Variants in CACHD1 observed in about 807,000 individuals in gnomAD.
The protein encoded by CACHD1 is cache domain containing 1.
In CACHD1, 71 loss-of-function variants were observed where a neutral mutation model predicts 138.7. The ratio of observed to expected loss-of-function variants is 0.51; its 90% CI spans 0.42 to 0.62. The LOEUF is 0.62. CACHD1 is among the 20% of genes least tolerant of loss of function. The probability of loss-of-function intolerance (pLI) is 0.00; values close to 1 mark genes in which losing one functional copy is unlikely to be tolerated. For synonymous variants in CACHD1, 578 were observed against 591.5 expected, an observed-to-expected ratio of 0.98 and a Z score of 0.33; for missense variants, 1,389 against 1,625.3, an observed-to-expected ratio of 0.85 and a Z score of 2.50.
At chr1:64,680,762 T>C (rs1369021714) in intron 24 of CACHD1, among the ~76,000 whole-genome samples, 1 of 152,178 alleles carries the variant, frequency 6.6e-6, no homozygotes, top group East Asian at 1.9e-4. Context: ...AGCATTTCAC[T>C]ATGGCCACAA....
At chr1:64,655,205 T>C (rs1452203466) in intron 12 of CACHD1, among the ~76,000 whole-genome samples, 2 of 152,172 alleles carry the variant, frequency 1.3e-5, no homozygotes, top group Non-Finnish European at 2.9e-5. Flanking sequence ...AGGTTGAAGC[T>C]GCAGTGAGCC....
At position 64,641,985 on chromosome 1, in the gene CACHD1, A is replaced by G. The variant is rs1474089702; in HGVS notation, c.1156+16A>G. 1.3e-6 allele frequency: 2 copies of G among 1,536,608 alleles called. No homozygotes were observed. Among genetic ancestry groups the G allele is most frequent in the Admixed American group, 2.3e-5 (1 of 43,584 alleles). On this transcript the variant is annotated intron_variant, in intron 8 of 26. Transcript: ENST00000651257. ...CTCATGAACGGTAGGTAGAGTTTCAAGATATTCCTTTCAGATCAAAGATCC... is the reference window on the plus strand; with the variant it reads ...CTCATGAACGGTAGGTAGAGTTTCAGGATATTCCTTTCAGATCAAAGATCC...
chr1:64,520,126 T>C (rs1473277816), intron 1 of CACHD1, among the ~76,000 whole-genome samples: 1 of 152,226 alleles, frequency 6.6e-6, no homozygotes, highest in African/African-American at 2.4e-5. Flanking sequence ...TTCTGTTATC[T>C]TTAATAGTCA....
At chr1:64,567,392 G>A (rs983521224) in intron 2 of CACHD1, among the ~76,000 whole-genome samples, 5 of 151,892 alleles carry the variant, frequency 3.3e-5, no homozygotes, top group Admixed American at 6.6e-5. Flanking sequence ...AATGCCAGAC[G>A]GTTGCAAGAA....
intron 12 of CACHD1, among the ~76,000 whole-genome samples, chr1:64,656,039 G>C (rs958308957): frequency 6.6e-6 from 1 of 152,184 alleles, no homozygotes; most frequent in African/African-American, 2.4e-5. Flanking sequence ...ACAGCAACTC[G>C]ATACAGTGTC....
At chr1:64,545,219 A>T (rs1646709684) in intron 1 of CACHD1, among the ~76,000 whole-genome samples, 1 of 152,238 alleles carries the variant, frequency 6.6e-6, no homozygotes, top group South Asian at 2.1e-4. Flanking sequence ...GTATGTTTAA[A>T]GTAAATTTAT....
At chr1:64,570,926 TA>T (rs891724500) in intron 2 of CACHD1, among the ~76,000 whole-genome samples, 11 of 151,278 alleles carry the variant, frequency 7.3e-5, no homozygotes, top group African/African-American at 1.9e-4. Flanking sequence ...CCAATGATAT[TA>T]AAAAAAAACT....
chr1:64,634,004 T>A, intron 6 of CACHD1, 40 bp from the exon 7 acceptor site: 1 of 1,498,140 alleles, frequency 6.7e-7, no homozygotes, highest in Non-Finnish European at 9.2e-7. Flanking sequence ...GACGGTAGGA[T>A]AACAAGTTTG....
At chr1:64,615,776 G>A (rs533374337) in intron 4 of CACHD1, among the ~76,000 whole-genome samples, 1 of 152,306 alleles carries the variant, frequency 6.6e-6, no homozygotes, top group South Asian at 2.1e-4. Context: ...GATGTGGAGT[G>A]ACACAGACTA....
At chr1:64,569,506 A>G (rs990352739) in intron 2 of CACHD1, among the ~76,000 whole-genome samples, 2 of 152,046 alleles carry the variant, frequency 1.3e-5, no homozygotes, top group Non-Finnish European at 2.9e-5. Context: ...AAATGAAGGG[A>G]CTGGTACTGC....
intron 1 of CACHD1, among the ~76,000 whole-genome samples, chr1:64,491,530 G>T (rs1205145544): frequency 6.6e-6 from 1 of 152,054 alleles, no homozygotes; most frequent in Non-Finnish European, 1.5e-5. Flanking sequence ...GAGAACTCAA[G>T]AACTCACTAT....
At chr1:64,598,199 T>C (rs534468582) in intron 3 of CACHD1, among the ~76,000 whole-genome samples, 1 of 152,292 alleles carries the variant, frequency 6.6e-6, no homozygotes, top group South Asian at 2.1e-4. Context: ...TTACTCCTGC[T>C]AGCCTAGCCA....
intron 1 of CACHD1, among the ~76,000 whole-genome samples, chr1:64,543,250 T>C (rs1646691026): frequency 6.6e-6 from 1 of 151,520 alleles, no homozygotes; most frequent in Admixed American, 6.6e-5. Flanking sequence ...AATGAACAAA[T>C]TCTGAGATTA....
intron 1 of CACHD1, among the ~76,000 whole-genome samples, chr1:64,513,679 T>C (rs1240163489): frequency 2.0e-5 from 3 of 152,214 alleles, no homozygotes; most frequent in South Asian, 2.1e-4. Flanking sequence ...AGTTTTTTAA[T>C]GGGCTGGCAG....
Position 64,681,310 on chromosome 1 carries a change from C to T in CACHD1, c.3459C>T (p.Asp1153=), listed in dbSNP as rs751919887. The change falls in exon 25 of 27, where the codon GAC becomes GAT. Residue 1153 remains aspartate, a synonymous_variant. Coordinates refer to ENST00000651257, the MANE Select transcript of CACHD1 (RefSeq NM_020925.4). ...AGAATGACAGAGATGAAAGGGACGA[C>T]GACAGCCACGAAGACAGAGGCATCA... ...NLENDRDERD[D]DSHEDRGIIS... 2.0e-5 allele frequency: 32 copies of T among 1,613,810 alleles called. No homozygotes were observed. Among genetic ancestry groups the T allele is most frequent in the Non-Finnish European group, 2.6e-5 (31 of 1,179,740 alleles).
At chr1:64,627,820 A>T (rs1648163531) in intron 4 of CACHD1, among the ~76,000 whole-genome samples, 1 of 151,984 alleles carries the variant, frequency 6.6e-6, no homozygotes, top group Non-Finnish European at 1.5e-5. Context: ...AACTATTTAC[A>T]CTCACTGTGC....
rs918070495 is a variant in CACHD1, at chr1:64,662,412, A to T, written c.1952-1283A>T. 6.6e-5 allele frequency among the ~76,000 whole-genome samples: 10 copies of T among 152,330 alleles called. No individual in the cohort carries two copies. The East Asian group carries it at 1.7e-3, about 26-fold the overall frequency. ...CTGTTTCCAACACCCCACCTGCTAC[A>T]TCTTGCAGTGTGGCACCGGACAGGA... On this transcript the variant is annotated intron_variant, in intron 13 of 26. Transcript: ENST00000651257.
chr1:64,497,972 C>CA (rs750944044), intron 1 of CACHD1, among the ~76,000 whole-genome samples: 37 of 152,138 alleles, frequency 2.4e-4, no homozygotes, highest in Non-Finnish European at 4.4e-4. Flanking sequence ...CTGAAAATAC[C>CA]AAAAATTAGC....
At chr1:64,558,992 A>G (rs1386780860) in intron 2 of CACHD1, among the ~76,000 whole-genome samples, 1 of 152,228 alleles carries the variant, frequency 6.6e-6, no homozygotes, top group Non-Finnish European at 1.5e-5. Context: ...AAAGCCAAAA[A>G]TTAACAGATG....
Sources: allele counts gnomAD v4.1 joint callset (sites outside exome capture counted in the v4.1 genomes callset), GRCh38; gene constraint gnomAD v4.1.1; transcripts MANE v1.5; gene names NCBI Gene and HGNC (gene_info 2026-07-23, HGNC 2026-07-21).